Variants in RFFL observed in about 807,000 individuals in gnomAD.
RFFL encodes E3 ubiquitin-protein ligase rififylin.
A neutral mutation model predicts 40.4 loss-of-function variants in RFFL; 16 were observed. The observed-to-expected ratio is 0.40, with a 90% CI of 0.27 to 0.60. The LOEUF (loss-of-function observed/expected upper bound fraction) is 0.60. Ranked by LOEUF, RFFL falls within the 20% of genes least tolerant of loss-of-function variation. RFFL has a pLI of 0.47. For missense variants in RFFL, 367 were observed against 451.7 expected (o/e 0.81, Z 1.70); for synonymous variants, 154 against 167.9 (o/e 0.92, Z 0.64).
At chr17:35,043,850 C>T (rs1339299294) in intron 1 of RFFL, among the ~76,000 whole-genome samples, 2 of 152,130 alleles carry the variant, frequency 1.3e-5, no homozygotes, top group Non-Finnish European at 2.9e-5. Flanking sequence ...ACCTTAAGCA[C>T]CTTGTAAAAA....
intron 1 of RFFL, among the ~76,000 whole-genome samples, chr17:35,071,197 CAAAAAAA>C (rs548193599): frequency 7.5e-4 from 40 of 53,212 alleles, no homozygotes; most frequent in African/African-American, 2.5e-3. Flanking sequence ...GACTCCAACT[CAAAAAAA>C]AAAAAAAAAC....
chr17:35,077,367 C>A (rs1444452831), intron 1 of RFFL, among the ~76,000 whole-genome samples: 2 of 152,102 alleles, frequency 1.3e-5, no homozygotes, highest in East Asian at 3.8e-4. Flanking sequence ...CTGCTGGAGG[C>A]CCATTCACGT....
Position 35,008,226 on chromosome 17 carries a change from T to G in RFFL, c.*3742A>C, listed in dbSNP as rs190974356. The G allele has an allele frequency of 1.3e-5, 2 of 152,270 alleles. No individual in the cohort carries two copies. Among genetic ancestry groups the G allele is most frequent in the Non-Finnish European group, 2.9e-5 (2 of 68,060 alleles). 9.4% of individuals were successfully genotyped at this position (152,270 alleles called of 1,614,324 possible). Reference sequence around the variant, plus strand: ...GAACTCACTTGGTGCTTCAACCCAATTGGTCTTGGGATTCATCCTTTACCT... The same window carrying G: ...GAACTCACTTGGTGCTTCAACCCAAGTGGTCTTGGGATTCATCCTTTACCT... On this transcript the variant is annotated 3_prime_UTR_variant, in exon 7 of 7. Coordinates refer to ENST00000394597, the MANE Select transcript of RFFL (RefSeq NM_001017368.2).
intron 1 of RFFL, among the ~76,000 whole-genome samples, chr17:35,044,797 C>T (rs1427746450): frequency 6.6e-6 from 1 of 152,154 alleles, no homozygotes; most frequent in Non-Finnish European, 1.5e-5. Flanking sequence ...GCCTGGAGCA[C>T]TGTTGCCACC....
At chr17:35,021,808 C>T in intron 2 of RFFL, 27 bp from the exon 3 acceptor site, 1 of 1,613,300 alleles carries the variant, frequency 6.2e-7, no homozygotes, top group Non-Finnish European at 8.5e-7. Flanking sequence ...ACACAGGAAA[C>T]CATGTCAGAT....
At position 35,021,364 on chromosome 17, in the gene RFFL, C is replaced by T. The variant is rs756885235; in HGVS notation, c.591+7G>A. On this transcript the variant is annotated splice_region_variant and intron_variant, in intron 3 of 6. Transcript: ENST00000394597. ...CAGACTGGCAGAGACTACAAATGGG[C>T]CCTTACCTGCTGATTCTCCTGAACC... 1.3e-6 allele frequency: 2 copies of T among 1,519,438 alleles called. No individual in the cohort carries two copies. The highest frequency in any genetic ancestry group is 2.3e-5 in the Admixed American group (1 of 43,886). 94.1% of individuals were successfully genotyped at this position (1,519,438 alleles called of 1,614,324 possible).
chr17:35,070,066 G>A (rs897999543), intron 1 of RFFL, among the ~76,000 whole-genome samples: 6 of 151,274 alleles, frequency 4.0e-5, no homozygotes, highest in Admixed American at 6.6e-5. Flanking sequence ...GCACGCGCAC[G>A]TGCAAAAGAG....
intron 5 of RFFL, 66 bp from the exon 6 acceptor site, chr17:35,014,829 G>A: frequency 6.8e-7 from 1 of 1,470,800 alleles, no homozygotes; most frequent in Non-Finnish European, 9.5e-7. Flanking sequence ...GTCTCTTACT[G>A]CCCTGACATC....
intron 1 of RFFL, among the ~76,000 whole-genome samples, chr17:35,035,806 C>T (rs1342252720): frequency 1.3e-5 from 2 of 151,932 alleles, no homozygotes; most frequent in East Asian, 3.9e-4. Flanking sequence ...AGGGTTCAAG[C>T]GATTCTCCTG....
chr17:35,072,097 A>G (rs1281269137), intron 1 of RFFL, among the ~76,000 whole-genome samples: 1 of 152,134 alleles, frequency 6.6e-6, no homozygotes, highest in Non-Finnish European at 1.5e-5. Flanking sequence ...CCTGGGCAAC[A>G]TGGTGAAACC....
At chr17:35,050,343 G>A (rs894826790) in intron 1 of RFFL, among the ~76,000 whole-genome samples, 1 of 152,126 alleles carries the variant, frequency 6.6e-6, no homozygotes, top group Non-Finnish European at 1.5e-5. Context: ...AATCACTTGA[G>A]GCCAGGAGTT....
chr17:35,061,954 A>G (rs547399422), intron 1 of RFFL, among the ~76,000 whole-genome samples: 1 of 151,262 alleles, frequency 6.6e-6, no homozygotes, highest in African/African-American at 2.4e-5. Flanking sequence ...TGCTGGGATT[A>G]CAGGCGTGAG....
At chr17:35,045,118 C>G (rs909757382) in intron 1 of RFFL, among the ~76,000 whole-genome samples, 1 of 151,884 alleles carries the variant, frequency 6.6e-6, no homozygotes, top group South Asian at 2.1e-4. Flanking sequence ...CTCTGGAGAA[C>G]GTAAGAGGAA....
intron 1 of RFFL, among the ~76,000 whole-genome samples, chr17:35,051,196 G>C (rs1287440944): frequency 6.6e-6 from 1 of 152,152 alleles, no homozygotes; most frequent in Non-Finnish European, 1.5e-5. Flanking sequence ...CTACAAGAAA[G>C]ACATGCATAT....
intron 2 of RFFL, among the ~76,000 whole-genome samples, chr17:35,026,037 G>C (rs1242813613): frequency 6.6e-6 from 1 of 152,142 alleles, no homozygotes; most frequent in Non-Finnish European, 1.5e-5. Flanking sequence ...TGGCTTTCTT[G>C]TCTCACTTTA....
intron 1 of RFFL, among the ~76,000 whole-genome samples, chr17:35,055,923 A>C (rs1398945179): frequency 6.6e-6 from 1 of 152,154 alleles, no homozygotes; most frequent in East Asian, 1.9e-4. Context: ...AGAGAGAAAT[A>C]AAATCAGCAT....
chr17:35,085,595 A>C (rs2091425478), intron 1 of RFFL, among the ~76,000 whole-genome samples: 1 of 152,054 alleles, frequency 6.6e-6, no homozygotes, highest in Non-Finnish European at 1.5e-5. Context: ...ATGCCCGGCT[A>C]ATTTTGTGTT....
chr17:35,034,528 CTT>C (rs374615141), intron 1 of RFFL, among the ~76,000 whole-genome samples: 3 of 143,728 alleles, frequency 2.1e-5, no homozygotes, highest in South Asian at 2.2e-4. Flanking sequence ...ATCCACGTTA[CTT>C]TTTTTTTTTT....
intron 1 of RFFL, among the ~76,000 whole-genome samples, chr17:35,039,147 T>G (rs1339133357): frequency 6.6e-6 from 1 of 152,136 alleles, no homozygotes; most frequent in African/African-American, 2.4e-5. Flanking sequence ...GCTCAAGCAA[T>G]CCACCCGCCT....
Sources: allele counts gnomAD v4.1 joint callset (sites outside exome capture counted in the v4.1 genomes callset), GRCh38; gene constraint gnomAD v4.1.1; transcripts MANE v1.5; gene names NCBI Gene and HGNC (gene_info 2026-07-23, HGNC 2026-07-21).